PLOD2: variants seen among roughly 807,000 people sequenced by gnomAD.
PLOD2 encodes procollagen-lysine,2-oxoglutarate 5-dioxygenase 2, also known as lysine hydroxylase 2.
In PLOD2, 65 loss-of-function variants were observed where a neutral mutation model predicts 101.0. The ratio of observed to expected loss-of-function variants is 0.64; its 90% confidence interval spans 0.53 to 0.79. PLOD2 has a LOEUF of 0.79. Ranked by LOEUF, PLOD2 falls within the 30% of genes least tolerant of loss-of-function variation. The pLI is 0.00. For synonymous variants in PLOD2, 314 were observed against 302.9 expected, an observed-to-expected ratio of 1.04 and a Z score of -0.38; for missense variants, 909 against 914.6, an observed-to-expected ratio of 0.99 and a Z score of 0.08.
intron 7 of PLOD2, among the ~76,000 whole-genome samples, chr3:146,098,883 A>T (rs976418711): frequency 6.6e-6 from 1 of 152,156 alleles, no homozygotes; most frequent in Non-Finnish European, 1.5e-5. Context: ...AGGTTAAAAA[A>T]TGTTTGTAAT....
chr3:146,088,842 A>AT, intron 8 of PLOD2, 131 bp from the exon 9 acceptor site: 1 of 809,982 alleles, frequency 1.2e-6, no homozygotes, highest in Non-Finnish European at 2.0e-6. Flanking sequence ...CTAAATTTGA[A>AT]TTGCTCCATG....
chr3:146,071,692 A>T (rs141837591), intron 17 of PLOD2, among the ~76,000 whole-genome samples: 20 of 151,808 alleles, frequency 1.3e-4, no homozygotes, highest in African/African-American at 3.6e-4. Flanking sequence ...TATAAAGTAA[A>T]TAAAATTGAC....
chr3:146,095,050 C>T (rs1937102053), intron 7 of PLOD2, among the ~76,000 whole-genome samples: 1 of 151,938 alleles, frequency 6.6e-6, no homozygotes. Flanking sequence ...CTCTTCCTCA[C>T]ACCTTATAAA....
intron 8 of PLOD2, among the ~76,000 whole-genome samples, chr3:146,089,137 T>C (rs1008899117): frequency 6.6e-6 from 1 of 151,636 alleles, no homozygotes; most frequent in Non-Finnish European, 1.5e-5. Flanking sequence ...GGGCTTAATT[T>C]TGAGCACATA....
At chr3:146,100,617 T>G (rs1038149145) in intron 7 of PLOD2, among the ~76,000 whole-genome samples, 3 of 152,146 alleles carry the variant, frequency 2.0e-5, no homozygotes, top group South Asian at 2.1e-4. Context: ...ACAGAAGATT[T>G]GTAGACACAG....
chr3:146,136,528 A>G (rs931465041), intron 1 of PLOD2, among the ~76,000 whole-genome samples: 1 of 152,200 alleles, frequency 6.6e-6, no homozygotes, highest in Non-Finnish European at 1.5e-5. Context: ...CCCATCCCCA[A>G]GATATCTCAT....
intron 7 of PLOD2, among the ~76,000 whole-genome samples, chr3:146,097,716 T>A (rs1937251773): frequency 7.6e-6 from 1 of 132,344 alleles, no homozygotes; most frequent in Admixed American, 7.8e-5. Context: ...TTCACTTGTT[T>A]ATCTGCTGAC....
At chr3:146,152,108 G>C (rs2032082970) in intron 1 of PLOD2, among the ~76,000 whole-genome samples, 1 of 152,078 alleles carries the variant, frequency 6.6e-6, no homozygotes, top group African/African-American at 2.4e-5. Flanking sequence ...AATAGTCATG[G>C]GCAACAGCAT....
intron 1 of PLOD2, among the ~76,000 whole-genome samples, chr3:146,135,565 T>C (rs577149381): frequency 6.6e-6 from 1 of 152,132 alleles, no homozygotes; most frequent in African/African-American, 2.4e-5. Flanking sequence ...ATGTGACTGA[T>C]CTTTCCTTAT....
At chr3:146,113,589 A>G (rs931173573) in intron 3 of PLOD2, among the ~76,000 whole-genome samples, 1 of 152,172 alleles carries the variant, frequency 6.6e-6, no homozygotes, top group Non-Finnish European at 1.5e-5. Context: ...AATTATGAAG[A>G]TTTCATGGAC....
intron 4 of PLOD2, among the ~76,000 whole-genome samples, chr3:146,109,637 T>C (rs896432558): frequency 7.9e-5 from 12 of 152,238 alleles, no homozygotes; most frequent in African/African-American, 2.9e-4. Context: ...ATGTTTACAT[T>C]AATCTCAAAC....
intron 17 of PLOD2, among the ~76,000 whole-genome samples, chr3:146,072,050 C>T (rs1259059721): frequency 6.6e-6 from 1 of 151,698 alleles, no homozygotes; most frequent in East Asian, 1.9e-4. Context: ...GAAAGAAACA[C>T]ATCTAACCAC....
chr3:146,117,754 ACACTGTGTCTT>A (rs1937977223), intron 3 of PLOD2, among the ~76,000 whole-genome samples: 1 of 152,116 alleles, frequency 6.6e-6, no homozygotes, highest in African/African-American at 2.4e-5. Context: ...TGCCTGGAAG[ACACTGTGTCTT>A]CCATTAAAAT....
chr3:146,080,304 A>G (rs1471382362), intron 12 of PLOD2, among the ~76,000 whole-genome samples: 3 of 126,812 alleles, frequency 2.4e-5, no homozygotes, highest in Middle Eastern at 4.1e-3. Flanking sequence ...ACTAACAACA[A>G]TAATAGAACA....
chr3:146,155,714 CAAAAAAA>C (rs766107067), intron 1 of PLOD2, among the ~76,000 whole-genome samples: 38 of 54,092 alleles, frequency 7.0e-4, no homozygotes, highest in African/African-American at 1.6e-3. Flanking sequence ...GACTCTGTCT[CAAAAAAA>C]AAAAAAAAAA....
intron 1 of PLOD2, among the ~76,000 whole-genome samples, chr3:146,157,502 T>C (rs1282516703): frequency 2.0e-5 from 3 of 152,190 alleles, no homozygotes; most frequent in African/African-American, 7.2e-5. Flanking sequence ...GTGCTATTCA[T>C]GCACATATCT....
chr3:146,156,795 T>C (rs977423764), intron 1 of PLOD2, among the ~76,000 whole-genome samples: 11 of 152,226 alleles, frequency 7.2e-5, no homozygotes, highest in African/African-American at 2.7e-4. Flanking sequence ...AAGAGAACAA[T>C]TATGAGGTCA....
At chr3:146,118,462 T>G (rs563079494) in intron 3 of PLOD2, among the ~76,000 whole-genome samples, 16 of 132,070 alleles carry the variant, frequency 1.2e-4, no homozygotes, top group Admixed American at 2.4e-4. Flanking sequence ...TTTATACTAA[T>G]GCATAAAAAT....
intron 3 of PLOD2, 129 bp from the exon 4 acceptor site, chr3:146,110,577 T>G (rs1285430814): frequency 2.8e-5 from 18 of 649,380 alleles, no homozygotes; most frequent in Non-Finnish European, 5.1e-6. Context: ...TGCCAACTAT[T>G]TACACAGAAC....
Sources: gnomAD v4.1 joint callset for allele counts (sites outside exome capture counted in the v4.1 genomes callset) on GRCh38, gnomAD v4.1.1 for gene constraint, MANE v1.5 for transcripts, NCBI Gene and HGNC (gene_info 2026-07-23, HGNC 2026-07-21) for gene names.